The following ACACA variants were observed in gnomAD, a reference collection of about 807,000 sequenced individuals.
ACACA encodes the protein acetyl-CoA carboxylase alpha.
ACACA carries 103 observed loss-of-function variants against 296.1 expected under a neutral mutation model. The observed-to-expected ratio is 0.35, with a 90% CI of 0.30 to 0.41. The LOEUF (loss-of-function observed/expected upper bound fraction) is 0.41, where lower values mean the gene tolerates loss of function less well. ACACA is among the 10% of genes least tolerant of loss of function. The pLI is 1.00. For missense variants in ACACA, 1,554 were observed against 2,989.7 expected, an observed-to-expected ratio of 0.52 and a Z score of 11.20; for synonymous variants, 953 against 1,038.6, an observed-to-expected ratio of 0.92 and a Z score of 1.58.
chr17:37,168,726 TATC>T (rs1237573180), intron 41 of ACACA, among the ~76,000 whole-genome samples: 1 of 152,196 alleles, frequency 6.6e-6, no homozygotes, highest in African/African-American at 2.4e-5. Flanking sequence ...TTTGTTGGGT[TATC>T]ATTTCATTTT....
chr17:37,089,997 TTC>T (rs2072503878), intron 54 of ACACA, among the ~76,000 whole-genome samples: 1 of 152,246 alleles, frequency 6.6e-6, no homozygotes, highest in Non-Finnish European at 1.5e-5. Flanking sequence ...TGCGCTATCC[TTC>T]TCTGTTATCA....
intron 39 of ACACA, among the ~76,000 whole-genome samples, chr17:37,182,309 T>C (rs1025165293): frequency 7.2e-5 from 11 of 152,016 alleles, no homozygotes; most frequent in African/African-American, 2.2e-4. Flanking sequence ...ATTTTACATA[T>C]AGTAAAATAA....
intron 33 of ACACA, among the ~76,000 whole-genome samples, chr17:37,202,439 A>T (rs1247215764): frequency 6.6e-6 from 1 of 151,892 alleles, no homozygotes; most frequent in Non-Finnish European, 1.5e-5. Context: ...TCTCCTCCAC[A>T]AGTCATTTAC....
chr17:37,107,287 C>A (rs2073743777), intron 52 of ACACA, among the ~76,000 whole-genome samples: 1 of 152,228 alleles, frequency 6.6e-6, no homozygotes, highest in Admixed American at 6.5e-5. Context: ...CAGCTTTCAG[C>A]CTCTCGAAGA....
intron 52 of ACACA, among the ~76,000 whole-genome samples, chr17:37,106,627 T>C (rs1047189572): frequency 1.3e-4 from 20 of 152,138 alleles, no homozygotes; most frequent in Admixed American, 5.2e-4. Context: ...GACATATCCA[T>C]ATAAAAAAGG....
chr17:37,406,207 A>G, intron 1 of ACACA, 55 bp downstream of exon 1: 1 of 1,592,930 alleles, frequency 6.3e-7, no homozygotes, highest in Non-Finnish European at 8.6e-7. Flanking sequence ...TACTCGACAA[A>G]TGGTAGCTAT....
intron 9 of ACACA, among the ~76,000 whole-genome samples, chr17:37,273,368 G>C (rs2082145987): frequency 6.6e-6 from 1 of 152,208 alleles, no homozygotes. Flanking sequence ...AGGTAATGTT[G>C]GGGAAAGGAT....
chr17:37,299,279 C>A, intron 3 of ACACA: 1 of 1,613,534 alleles, frequency 6.2e-7, no homozygotes, highest in Non-Finnish European at 8.5e-7. Flanking sequence ...CTAACACTTA[C>A]CTTTGAAGCA....
rs2145035974 is a variant in ACACA, at chr17:37,188,385, C to G, written c.4668G>C (p.Leu1556=). The change falls in exon 39 of 56, where the codon CTG becomes CTC. Residue 1556 remains leucine, a synonymous_variant. Transcript: ENST00000616317. The part of the protein sequence containing the change: ...LQAELKINIR[L]TPTGKAIPIR... ...TGGGAATTGCTTTTCCAGTTGGCGT[C>G]AGGCGAATGTTGATTTTCAGTTCTG... 1.2e-6 allele frequency: 2 copies of G among 1,614,156 alleles called. No individual in the cohort carries two copies. Among genetic ancestry groups the G allele is most frequent in the East Asian group, 4.5e-5 (2 of 44,882 alleles).
intron 3 of ACACA, among the ~76,000 whole-genome samples, chr17:37,310,807 A>G (rs1461046403): frequency 2.0e-5 from 3 of 151,396 alleles, no homozygotes; most frequent in Non-Finnish European, 4.4e-5. Flanking sequence ...AAAAAAAAAA[A>G]AAAAAAAGAA....
intron 54 of ACACA, among the ~76,000 whole-genome samples, chr17:37,091,722 G>T (rs936077794): frequency 2.0e-5 from 3 of 151,968 alleles, no homozygotes; most frequent in Non-Finnish European, 4.4e-5. Context: ...TAGGATTACA[G>T]GCATGCCCCA....
intron 33 of ACACA, among the ~76,000 whole-genome samples, chr17:37,204,217 CTA>C (rs1306074928): frequency 6.6e-6 from 1 of 152,208 alleles, no homozygotes; most frequent in East Asian, 1.9e-4. Context: ...ACTTTGCTAT[CTA>C]TCACATATCA....
chr17:37,124,264 A>G (rs1020706912), intron 48 of ACACA, among the ~76,000 whole-genome samples: 2 of 152,226 alleles, frequency 1.3e-5, no homozygotes, highest in African/African-American at 4.8e-5. Flanking sequence ...GAAAGAAAGG[A>G]GGAAGTCAGA....
chr17:37,345,160 T>C (rs2048560216), intron 1 of ACACA: 1 of 152,468 alleles, frequency 6.6e-6, no homozygotes, highest in South Asian at 2.1e-4. Flanking sequence ...TTCAAGAGAT[T>C]CTTCTGCCTC....
chr17:37,202,668 CATATATATATATAT>C (rs1179497445), intron 33 of ACACA, among the ~76,000 whole-genome samples: 1 of 71,188 alleles, frequency 1.4e-5, no homozygotes, highest in Non-Finnish European at 2.9e-5. Flanking sequence ...CCTTTTCTTT[CATATATATATATAT>C]ATATATATAT....
At chr17:37,268,743 A>ATATATATATC (rs2081925388) in intron 10 of ACACA, among the ~76,000 whole-genome samples, 2 of 102,070 alleles carry the variant, frequency 2.0e-5, no homozygotes, top group East Asian at 2.9e-4. Context: ...CTATCTATCT[A>ATATATATATC]TATATATATA....
intron 17 of ACACA, 86 bp downstream of exon 17, chr17:37,248,507 T>A: frequency 9.5e-7 from 1 of 1,047,520 alleles, no homozygotes; most frequent in Non-Finnish European, 1.5e-6. Flanking sequence ...CATCCCTGCA[T>A]TAAATCAAAC....
rs187639427 is a variant in ACACA, at chr17:37,117,423, A to T, written c.6274+3932T>A. Among the ~76,000 whole-genome samples, 72 of 152,342 alleles carry T rather than the reference A, an allele frequency of 4.7e-4. 1 individual carries two copies. In the East Asian group the frequency reaches 9.2e-3, roughly 20 times the overall value. On this transcript the variant is annotated intron_variant, in intron 50 of 55. Transcript: ENST00000616317. The stretch of plus-strand genomic sequence containing the variant: ...GTCCCAGGAAAAAATAATAAGTATA[A>T]CATGAAAAGCCAACTGAGAGTGACC...
intron 1 of ACACA, chr17:37,379,267 T>G (rs372117169): frequency 6.2e-7 from 1 of 1,613,898 alleles, no homozygotes; most frequent in Non-Finnish European, 8.5e-7. Flanking sequence ...AGGTCAAGCA[T>G]ATTTTGAAGA....
Sources: gnomAD v4.1 joint callset for allele counts (sites outside exome capture counted in the v4.1 genomes callset) on GRCh38, gnomAD v4.1.1 for gene constraint, MANE v1.5 for transcripts, NCBI Gene and HGNC (gene_info 2026-07-23, HGNC 2026-07-21) for gene names.